Variants in AGBL4 observed in about 807,000 individuals in gnomAD.
The protein encoded by AGBL4 is AGBL carboxypeptidase 4.
A neutral mutation model predicts 66.4 loss-of-function variants in AGBL4; 58 were observed. The ratio of observed to expected loss-of-function variants is 0.87; its 90% CI spans 0.71 to 1.09. The LOEUF (loss-of-function observed/expected upper bound fraction) is 1.09, where lower values mean the gene tolerates loss of function less well. AGBL4 is among the 50% of genes least tolerant of loss of function. The pLI, the probability that AGBL4 is intolerant of heterozygous loss-of-function variation, is 0.00. For synonymous variants in AGBL4, 234 were observed against 222.9 expected (o/e 1.05, Z -0.44); for missense variants, 579 against 631.0 (o/e 0.92, Z 0.88).
chr1:48,909,265 A>G (rs898055556), intron 5 of AGBL4, among the ~76,000 whole-genome samples: 1 of 152,222 alleles, frequency 6.6e-6, no homozygotes, highest in Non-Finnish European at 1.5e-5. Context: ...ATAAGTTAAC[A>G]TGACATAGGA....
chr1:48,867,353 G>A, intron 5 of AGBL4, 123 bp from the exon 6 acceptor site: 2 of 960,628 alleles, frequency 2.1e-6, no homozygotes, highest in South Asian at 1.4e-5. Context: ...CATACGGAAT[G>A]TGGTACTCAC....
intron 6 of AGBL4, among the ~76,000 whole-genome samples, chr1:48,833,755 G>A (rs1646612443): frequency 6.6e-6 from 1 of 152,170 alleles, no homozygotes; most frequent in Non-Finnish European, 1.5e-5. Flanking sequence ...AGGACAGAAT[G>A]AAGCATGGTT....
At chr1:49,443,643 A>G (rs1553202851) in intron 3 of AGBL4, among the ~76,000 whole-genome samples, 2 of 152,016 alleles carry the variant, frequency 1.3e-5, no homozygotes, top group Non-Finnish European at 2.9e-5. Context: ...TTATACTAAT[A>G]CCACGCTCTT....
At chr1:49,629,733 T>TC (rs1645534096) in intron 3 of AGBL4, among the ~76,000 whole-genome samples, 1 of 152,182 alleles carries the variant, frequency 6.6e-6, no homozygotes, top group Non-Finnish European at 1.5e-5. Context: ...TGGTCATCAG[T>TC]CCCTTTGGAA....
chr1:49,277,822 G>T (rs912525650), intron 3 of AGBL4, among the ~76,000 whole-genome samples: 1 of 151,582 alleles, frequency 6.6e-6, no homozygotes, highest in Non-Finnish European at 1.5e-5. Flanking sequence ...CCAAAGATAG[G>T]CATTTTCCCA....
chr1:48,612,470 T>C (rs911569312), intron 9 of AGBL4, among the ~76,000 whole-genome samples: 3 of 152,190 alleles, frequency 2.0e-5, no homozygotes, highest in Admixed American at 1.3e-4. Context: ...TCAGAATCCA[T>C]TGCAGTTATA....
intron 3 of AGBL4, among the ~76,000 whole-genome samples, chr1:49,260,838 G>T (rs922270047): frequency 7.3e-5 from 11 of 151,704 alleles, no homozygotes; most frequent in African/African-American, 1.7e-4. Flanking sequence ...TACCAAAGCC[G>T]GGCAGAGACA....
At chr1:48,623,352 G>A (rs1645447270) in intron 9 of AGBL4, among the ~76,000 whole-genome samples, 1 of 152,206 alleles carries the variant, frequency 6.6e-6, no homozygotes, top group African/African-American at 2.4e-5. Context: ...AGCTGATAAG[G>A]CTTCCCACAG....
chr1:48,899,280 C>A lies in AGBL4; in HGVS notation c.595-32050G>T, dbSNP rs72893766. Among the ~76,000 whole-genome samples, 239 of 152,332 alleles carry A rather than the reference C, an allele frequency of 1.6e-3. 4 individuals carry two copies. The highest frequency in any genetic ancestry group is 5.6e-3 in the African/African-American group (232 of 41,570). ...TTATTTTCTAACATGATCACAAGGC[C>A]ATAGGTTCTAGGCCTGTCCAACTTC... On this transcript the variant is annotated intron_variant, in intron 5 of 13. Transcript: ENST00000371839.
chr1:48,576,249 G>A (rs1644651988), intron 11 of AGBL4, among the ~76,000 whole-genome samples: 1 of 152,166 alleles, frequency 6.6e-6, no homozygotes, highest in East Asian at 1.9e-4. Context: ...ATGCATATGA[G>A]GGATGTAGGT....
chr1:48,572,201 A>G (rs1292005921), intron 11 of AGBL4, among the ~76,000 whole-genome samples: 1 of 152,070 alleles, frequency 6.6e-6, no homozygotes, highest in East Asian at 1.9e-4. Flanking sequence ...GGCCACTGTA[A>G]AAGGCACTGA....
rs553666478 is a variant in AGBL4 at position 49,120,627 on chromosome 1, AT to A, written c.378-74828del. On this transcript the variant is annotated intron_variant, in intron 4 of 13. Coordinates refer to ENST00000371839, the MANE Select transcript of AGBL4 (RefSeq NM_032785.4). Reference sequence around the variant, plus strand: ...ACCTTTCTCTCTGGCTTCCCTTAACATTTTTTCCTTGGTGCCTTAACATTTC... The same window carrying A: ...ACCTTTCTCTCTGGCTTCCCTTAACATTTTTCCTTGGTGCCTTAACATTTC... 2.9e-3 allele frequency among the ~76,000 whole-genome samples: 448 copies of A among 151,938 alleles called. 4 individuals carry two copies. The highest frequency in any genetic ancestry group is 0.01 in the African/African-American group (435 of 41,474).
At chr1:49,332,443 T>C (rs1645353940) in intron 3 of AGBL4, among the ~76,000 whole-genome samples, 1 of 152,112 alleles carries the variant, frequency 6.6e-6, no homozygotes, top group Admixed American at 6.5e-5. Flanking sequence ...AGAATGGAAA[T>C]GGTGGAAAAC....
At chr1:49,997,717 T>A (rs1660467293) in intron 1 of AGBL4, among the ~76,000 whole-genome samples, 1 of 152,160 alleles carries the variant, frequency 6.6e-6, no homozygotes, top group Non-Finnish European at 1.5e-5. Flanking sequence ...TTAACAGATA[T>A]TTACAGAACA....
chr1:49,084,264 T>C (rs1173199944), intron 4 of AGBL4, among the ~76,000 whole-genome samples: 1 of 152,202 alleles, frequency 6.6e-6, no homozygotes, highest in Non-Finnish European at 1.5e-5. Context: ...TTCCACATTT[T>C]CAGGTATCTT....
chr1:49,842,642 AAAT>A (rs1241660266), intron 2 of AGBL4, among the ~76,000 whole-genome samples: 1 of 152,128 alleles, frequency 6.6e-6, no homozygotes, highest in Non-Finnish European at 1.5e-5. Context: ...TAAATCGGTA[AAAT>A]AATAATAATA....
At chr1:48,809,385 G>C (rs1646000163) in intron 6 of AGBL4, among the ~76,000 whole-genome samples, 1 of 152,224 alleles carries the variant, frequency 6.6e-6, no homozygotes, top group Admixed American at 6.5e-5. Flanking sequence ...CCCTTGGCTA[G>C]ATCAAGGGAT....
chr1:49,935,771 A>C (rs1042775731), intron 1 of AGBL4, among the ~76,000 whole-genome samples: 3 of 152,222 alleles, frequency 2.0e-5, no homozygotes, highest in Non-Finnish European at 4.4e-5. Flanking sequence ...CCTGCAGCTG[A>C]GGGTCCTGTC....
chr1:48,747,132 C>A (rs1373380509), intron 6 of AGBL4, among the ~76,000 whole-genome samples: 1 of 152,186 alleles, frequency 6.6e-6, no homozygotes, highest in African/African-American at 2.4e-5. Flanking sequence ...ACACATGTGA[C>A]CAAATTAGCC....
Sources: gnomAD v4.1 joint callset for allele counts (sites outside exome capture counted in the v4.1 genomes callset) on GRCh38, gnomAD v4.1.1 for gene constraint, MANE v1.5 for transcripts, NCBI Gene and HGNC (gene_info 2026-07-23, HGNC 2026-07-21) for gene names.